Variants in CDC42BPG observed in about 807,000 individuals in gnomAD.
CDC42BPG encodes the protein serine/threonine-protein kinase MRCK gamma.
A neutral mutation model predicts 192.2 loss-of-function variants in CDC42BPG; 157 were observed. The observed-to-expected ratio is 0.82, with a 90% CI of 0.72 to 0.93. The LOEUF is 0.93. Among genes scored for constraint, CDC42BPG ranks in the 40% least tolerant of loss-of-function variants. The probability of loss-of-function intolerance (pLI) is 0.00; values close to 1 mark genes in which losing one functional copy is unlikely to be tolerated. For synonymous variants in CDC42BPG, 981 were observed against 918.5 expected, an observed-to-expected ratio of 1.07 and a Z score of -1.23; for missense variants, 1,992 against 2,122.1, an observed-to-expected ratio of 0.94 and a Z score of 1.20.
intron 9 of CDC42BPG, among the ~76,000 whole-genome samples, chr11:64,837,376 T>A (rs192577978): frequency 2.0e-4 from 30 of 152,212 alleles, no homozygotes; most frequent in Non-Finnish European, 4.0e-4. Context: ...GGAGTGGGGA[T>A]CTGACCCATT....
intron 11 of CDC42BPG, 34 bp downstream of exon 11, chr11:64,836,705 C>CCCGGGGGGGGGGGGGGGG: frequency 2.8e-6 from 1 of 352,552 alleles, no homozygotes. Context: ...GGACTCAGCC[C>CCCGGGGGGGGGGGGGGGG]TGGGGGGGGG....
chr11:64,827,491 G>A, intron 32 of CDC42BPG, 36 bp downstream of exon 32: 1 of 1,604,818 alleles, frequency 6.2e-7, no homozygotes. Context: ...GTGCGCACTG[G>A]GGAACGCACA....
At chr11:64,833,681 G>A in intron 22 of CDC42BPG, 22 bp from the exon 23 acceptor site, 1 of 1,612,968 alleles carries the variant, frequency 6.2e-7, no homozygotes, top group Non-Finnish European at 8.5e-7. Context: ...CGGGGGAGCA[G>A]GTGAGACGGG....
In CDC42BPG at chr11:64,834,520, G is replaced by A. The variant is rs1195766534; in HGVS notation, c.2233C>T (p.Leu745=). 1.3e-6 allele frequency: 2 copies of A among 1,582,260 alleles called. No homozygotes were observed. The highest frequency in any genetic ancestry group is 2.3e-5 in the South Asian group (2 of 87,658). Residue 745 remains leucine, a synonymous_variant, in exon 19 of 37, where the codon CTG becomes TTG. Coordinates refer to ENST00000342711, the MANE Select transcript of CDC42BPG (RefSeq NM_017525.3). The part of the protein sequence containing the change: ...QKMEASARLE[L]QSALEAEIRA... Reference sequence around the variant, plus strand: ...ATCTCGGCCTCCAGCGCTGACTGCAGCTCCAGCCTGGCCGAGGCCTCCATC... The same window carrying A: ...ATCTCGGCCTCCAGCGCTGACTGCAACTCCAGCCTGGCCGAGGCCTCCATC...
chr11:64,835,017 T>TGGCCCCCCCCCCC, intron 17 of CDC42BPG, 30 bp downstream of exon 17: 11 of 1,571,926 alleles, frequency 7.0e-6, no homozygotes, highest in Non-Finnish European at 9.6e-6. Context: ...TCGCCTGCGT[T>TGGCCCCCCCCCCC]CCCCACCCCG....
chr11:64,840,604 G>A lies in CDC42BPG; in HGVS notation c.381C>T (p.Asp127=). The change falls in exon 4 of 37, where the codon GAC becomes GAT. Residue 127 remains aspartate, a synonymous_variant. Coordinates refer to ENST00000342711, the MANE Select transcript of CDC42BPG (RefSeq NM_017525.3). ...REERDVLVKG[D]SRWVTTLHYA... is the part of the protein sequence containing the mutation. The stretch of plus-strand genomic sequence containing the variant: ...AGTGCAGAGTGGTCACCCAACGGCT[G>A]TCCCCTTTCACGAGCACATCCCGCT... 2 of 1,613,982 alleles carry A rather than the reference G, an allele frequency of 1.2e-6. No homozygotes were observed. The highest frequency in any genetic ancestry group is 2.2e-5 in the East Asian group (1 of 44,886).
intron 36 of CDC42BPG, among the ~76,000 whole-genome samples, chr11:64,824,787 T>C (rs1942356906): frequency 6.6e-6 from 1 of 152,220 alleles, no homozygotes; most frequent in South Asian, 2.1e-4. Flanking sequence ...CTCTGTCGCC[T>C]AGCCTGGAGT....
At chr11:64,841,071 C>T (rs1169800991) in intron 3 of CDC42BPG, among the ~76,000 whole-genome samples, 2 of 148,518 alleles carry the variant, frequency 1.3e-5, no homozygotes, top group Non-Finnish European at 3.0e-5. Context: ...GAATCCCTTG[C>T]ACCCAGGAGG....
rs540718199 is a variant in CDC42BPG at position 64,831,649 on chromosome 11, G to T, written c.3160C>A (p.Arg1054=). 2 of 1,610,128 alleles carry T rather than the reference G, an allele frequency of 1.2e-6. No homozygotes were observed. ...CCCAGCACCTGCAGCCAGCGTTCCC[G>T]CTCCCCCTCGCTCTCTGCCAGCAGC... ...VLLLAESEGE[R]ERWLQVLGEL... The change falls in exon 28 of 37, where the codon CGG becomes AGG. Residue 1054 remains arginine (R), a synonymous_variant. Transcript: ENST00000342711.
chr11:64,839,018 G>A lies in CDC42BPG; in HGVS notation c.876+15C>T. ...CCACTGCCCCCTCTGGAAGCCCAGA[G>A]CCTGGTGTCCAGACCTCGTGGTTCA... On this transcript the variant is annotated intron_variant, in intron 7 of 36. Transcript: ENST00000342711. The A allele has an allele frequency of 6.2e-7, 1 of 1,613,340 alleles. No individual in the cohort carries two copies. The highest frequency in any genetic ancestry group is 1.3e-5 in the African/African-American group (1 of 75,052).
At position 64,827,076 on chromosome 11, in the gene CDC42BPG, G is replaced by A. The variant is rs756257999; in HGVS notation, c.4363C>T (p.Arg1455Trp). Residue 1455 changes from arginine to tryptophan, a missense_variant, in exon 34 of 37, where the codon CGG (arginine) becomes TGG (tryptophan). By Grantham distance (101) the Arg-to-Trp change is moderately radical. Transcript: ENST00000342711. ...HLVHVGPANG[R>W]PGARDKSPAP... ...GGGGACTTGTCCCTGGCGCCGGGCC[G>A]CCCGTTGGCAGGGCCCACGTGTACT... 22 of 1,612,510 alleles carry A rather than the reference G, an allele frequency of 1.4e-5. No homozygotes were observed. In the South Asian group the frequency reaches 1.5e-4, roughly 11 times the overall value.
intron 1 of CDC42BPG, among the ~76,000 whole-genome samples, chr11:64,842,744 C>T (rs1417757890): frequency 6.6e-6 from 1 of 152,204 alleles, no homozygotes; most frequent in East Asian, 1.9e-4. Flanking sequence ...ACTTTCCAGG[C>T]CTGGATTAGC....
chr11:64,836,720 G>GTGGGC lies in CDC42BPG; in HGVS notation c.1384+18_1384+19insGCCCA. On this transcript the variant is annotated intron_variant, in intron 11 of 36. Coordinates refer to ENST00000342711, the MANE Select transcript of CDC42BPG (RefSeq NM_017525.3). ...GGACTCAGCCCTGGGGGGGGGGGGG[G>GTGGGC]GGTGGGCGGAAGGGATACCTGGCAG... is the stretch of plus-strand genomic sequence containing the variant. 1 of 843,824 alleles carries GTGGGC rather than the reference G, an allele frequency of 1.2e-6. No homozygotes were observed. The highest frequency in any genetic ancestry group is 1.7e-6 in the Non-Finnish European group (1 of 584,548). 52.3% of individuals were successfully genotyped at this position (843,824 alleles called of 1,614,324 possible).
At position 64,829,460 on chromosome 11, in the gene CDC42BPG, G is replaced by GC. The variant is rs769381928; in HGVS notation, c.3967+10dup. On this transcript the variant is annotated intron_variant, in intron 30 of 36. Coordinates refer to ENST00000342711, the MANE Select transcript of CDC42BPG (RefSeq NM_017525.3). Reference sequence around the variant, plus strand: ...GCCTGGCCCCCCTGCCAAGCCCTCAGCAGGCCTTACCCCAGCCCATGGGCG... The same window carrying GC: ...GCCTGGCCCCCCTGCCAAGCCCTCAGCCAGGCCTTACCCCAGCCCATGGGCG... 6.2e-7 allele frequency: 1 copy of GC among 1,610,474 alleles called. No homozygotes were observed. The highest frequency in any genetic ancestry group is 1.3e-5 in the African/African-American group (1 of 74,862).
Position 64,833,277 on chromosome 11 carries a change from G to A in CDC42BPG, c.2685C>T (p.Cys895=). 2 of 1,547,934 alleles carry A rather than the reference G, an allele frequency of 1.3e-6. No homozygotes were observed. The highest frequency in any genetic ancestry group is 1.7e-6 in the Non-Finnish European group (2 of 1,146,352). ...SFPSPTKCLR[C]TSLMLGLGRQ... The stretch of plus-strand genomic sequence containing the variant: ...GGCCCAGGCCCAGCATCAGCGAGGT[G>A]CAGCGGAGACACTTGGTCGGGGATG... Residue 895 remains cysteine, a synonymous_variant, in exon 24 of 37, where the codon TGC becomes TGT. Transcript: ENST00000342711.
At position 64,835,571 on chromosome 11, in the gene CDC42BPG, C is replaced by T; in HGVS notation, c.1809G>A (p.Gly603=). 2 of 1,585,192 alleles carry T rather than the reference C, an allele frequency of 1.3e-6. No individual in the cohort carries two copies. The highest frequency in any genetic ancestry group is 1.7e-6 in the Non-Finnish European group (2 of 1,169,378). The part of the protein sequence containing the change: ...ETNGMGPPEG[G]PQEAQLRKEV... ...CCTTCCTCAGTTGGGCCTCCTGAGG[C>T]CCACCCTCAGGGGGTCCCATCCCGT... The change falls in exon 15 of 37, where the codon GGG becomes GGA. Residue 603 remains glycine (G), a synonymous_variant. Transcript: ENST00000342711.
At chr11:64,836,715 G>GGGC in intron 11 of CDC42BPG, 24 bp downstream of exon 11, 1 of 870,666 alleles carries the variant, frequency 1.1e-6, no homozygotes, top group Non-Finnish European at 1.7e-6. Flanking sequence ...CTGGGGGGGG[G>GGGC]GGGGGGGTGG....
chr11:64,838,785 G>T lies in CDC42BPG; in HGVS notation c.994C>A (p.Arg332=). The change falls in exon 8 of 37, where the codon CGG becomes AGG. Residue 332 remains arginine (R), a synonymous_variant. Coordinates refer to ENST00000342711, the MANE Select transcript of CDC42BPG (RefSeq NM_017525.3). ...RLGRGGLDDF[R]NHPFFEGVDW... ...ACGCCTTCGAAGAAAGGATGGTTCC[G>T]GAAGTCATCCAGCCCACCACGGCCT... 6.2e-7 allele frequency: 1 copy of T among 1,612,900 alleles called. No homozygotes were observed. Among genetic ancestry groups the T allele is most frequent in the Non-Finnish European group, 8.5e-7 (1 of 1,180,036 alleles).
At chr11:64,835,017 T>TTGGCCCCCCCCC in intron 17 of CDC42BPG, 30 bp downstream of exon 17, 3 of 1,571,952 alleles carry the variant, frequency 1.9e-6, no homozygotes, top group Non-Finnish European at 1.7e-6. Context: ...TCGCCTGCGT[T>TTGGCCCCCCCCC]CCCCACCCCG....
Sources: allele counts gnomAD v4.1 joint callset (sites outside exome capture counted in the v4.1 genomes callset), GRCh38; gene constraint gnomAD v4.1.1; transcripts MANE v1.5; gene names NCBI Gene and HGNC (gene_info 2026-07-23, HGNC 2026-07-21).